The following CSTF3 variants were observed in gnomAD, a reference collection of about 807,000 sequenced individuals.
CSTF3 encodes CF-1 77 kDa subunit.
CSTF3 carries 29 observed loss-of-function variants against 105.8 expected under a neutral mutation model. That is an observed-to-expected ratio of 0.27 (90% CI 0.20 to 0.37). The LOEUF (loss-of-function observed/expected upper bound fraction) is 0.37. CSTF3 is among the 10% of genes least tolerant of loss of function. The pLI, the probability that CSTF3 is intolerant of heterozygous loss-of-function variation, is 1.00. For missense variants in CSTF3, 357 were observed against 879.3 expected (o/e 0.41, Z 7.51); for synonymous variants, 252 against 281.9 (o/e 0.89, Z 1.06).
chr11:33,094,194 CACA>C (rs1222738399), intron 15 of CSTF3, among the ~76,000 whole-genome samples: 1 of 152,158 alleles, frequency 6.6e-6, no homozygotes. Context: ...ATGGAATAAT[CACA>C]ACATTCTATA....
chr11:33,158,373 A>T (rs1173671114), intron 1 of CSTF3, among the ~76,000 whole-genome samples: 6 of 152,202 alleles, frequency 3.9e-5, no homozygotes, highest in Non-Finnish European at 7.3e-5. Context: ...ATGAATCCAT[A>T]GCGATACTTA....
intron 1 of CSTF3, among the ~76,000 whole-genome samples, chr11:33,147,599 G>A (rs769270166): frequency 7.3e-5 from 11 of 151,708 alleles, no homozygotes; most frequent in South Asian, 2.1e-4. Context: ...GAAATTTTAC[G>A]TAAACTAGAA....
intron 3 of CSTF3, among the ~76,000 whole-genome samples, chr11:33,109,442 A>T (rs1178293753): frequency 6.6e-6 from 1 of 152,092 alleles, no homozygotes; most frequent in Non-Finnish European, 1.5e-5. Context: ...GGACTTTTTT[A>T]TCTTGATCTT....
At chr11:33,129,079 T>C (rs1380895788) in intron 3 of CSTF3, among the ~76,000 whole-genome samples, 5 of 152,062 alleles carry the variant, frequency 3.3e-5, no homozygotes, top group Non-Finnish European at 5.9e-5. Flanking sequence ...CCTGAAAAAA[T>C]AACGTGGATG....
At chr11:33,107,828 G>T in intron 5 of CSTF3, 75 bp downstream of exon 5, 1 of 782,514 alleles carries the variant, frequency 1.3e-6, no homozygotes, top group Non-Finnish European at 2.1e-6. Context: ...GGGGCTAACA[G>T]AAGGTGTGAG....
At chr11:33,150,978 A>AT (rs2133806488) in intron 1 of CSTF3, among the ~76,000 whole-genome samples, 1 of 152,278 alleles carries the variant, frequency 6.6e-6, no homozygotes, top group South Asian at 2.1e-4. Flanking sequence ...TCTGAAGTGT[A>AT]TAACTCAATA....
intron 1 of CSTF3, among the ~76,000 whole-genome samples, chr11:33,143,134 T>C (rs552105111): frequency 1.3e-5 from 2 of 152,306 alleles, no homozygotes; most frequent in Admixed American, 6.5e-5. Context: ...CAATTCACAA[T>C]TGTATGTACA....
At chr11:33,111,641 A>G (rs1855380110) in intron 3 of CSTF3, among the ~76,000 whole-genome samples, 1 of 152,206 alleles carries the variant, frequency 6.6e-6, no homozygotes, top group Non-Finnish European at 1.5e-5. Flanking sequence ...TTTCAGTAAA[A>G]ATTATGTCTA....
intron 1 of CSTF3, among the ~76,000 whole-genome samples, chr11:33,142,957 T>C (rs749198678): frequency 6.6e-6 from 1 of 152,138 alleles, no homozygotes; most frequent in African/African-American, 2.4e-5. Flanking sequence ...TTAGATTTAT[T>C]ATGAGAGAGG....
chr11:33,137,021 T>C (rs1394150886), intron 3 of CSTF3, among the ~76,000 whole-genome samples: 1 of 151,852 alleles, frequency 6.6e-6, no homozygotes, highest in Admixed American at 6.6e-5. Context: ...TATGCATTTT[T>C]TATCATAAAC....
At chr11:33,134,061 A>G (rs1469353181) in intron 3 of CSTF3, among the ~76,000 whole-genome samples, 1 of 152,220 alleles carries the variant, frequency 6.6e-6, no homozygotes, top group East Asian at 1.9e-4. Context: ...AATATATTCA[A>G]TGCAATCTCC....
chr11:33,154,703 G>T (rs1590290874), intron 1 of CSTF3, among the ~76,000 whole-genome samples: 1 of 151,916 alleles, frequency 6.6e-6, no homozygotes, highest in Admixed American at 6.6e-5. Flanking sequence ...CACCATACTA[G>T]CCAGGCTGGT....
At chr11:33,160,083 C>CCTT (rs1849920181) in intron 1 of CSTF3, among the ~76,000 whole-genome samples, 1 of 151,648 alleles carries the variant, frequency 6.6e-6, no homozygotes, top group East Asian at 1.9e-4. Context: ...GTTCATTAGT[C>CCTT]CTTCACTTTC....
chr11:33,105,520 T>C, intron 8 of CSTF3, 47 bp downstream of exon 8: 3 of 1,533,820 alleles, frequency 2.0e-6, no homozygotes, highest in Non-Finnish European at 2.6e-6. Context: ...TGCATAGAAA[T>C]TAAAATGGCT....
At position 33,099,241 on chromosome 11, in the gene CSTF3, T is replaced by G; in HGVS notation, c.937-91A>C. The G allele has an allele frequency of 6.9e-7, 1 of 1,451,348 alleles. No individual in the cohort carries two copies. Among genetic ancestry groups the G allele is most frequent in the East Asian group, 2.5e-5 (1 of 40,784 alleles). The allele number at this position is 1,451,348 out of a possible 1,614,324, so 89.9% of individuals were successfully genotyped here. A position where few individuals can be genotyped will look rare whatever the true frequency, so the allele number is the denominator to read the frequency against. ...TAAAGTTACATCTACTTTATTTTATTTATGTGTCTAAGAAAGCATACATGT... is the reference window on the plus strand; with the variant it reads ...TAAAGTTACATCTACTTTATTTTATGTATGTGTCTAAGAAAGCATACATGT... On this transcript the variant is annotated intron_variant, in intron 11 of 20. Coordinates refer to ENST00000323959, the MANE Select transcript of CSTF3 (RefSeq NM_001326.3). The surrounding 1 kb of genome is among the most constrained non-coding windows in gnomAD (Gnocchi z 4.1).
intron 1 of CSTF3, among the ~76,000 whole-genome samples, chr11:33,142,293 C>T (rs1855722360): frequency 6.6e-6 from 1 of 151,674 alleles, no homozygotes. Flanking sequence ...AGTATAACAA[C>T]TATTTACATG....
chr11:33,160,100 C>T (rs1296701469), intron 1 of CSTF3, among the ~76,000 whole-genome samples: 1 of 151,508 alleles, frequency 6.6e-6, no homozygotes, highest in East Asian at 1.9e-4. Context: ...TTTCAGATAA[C>T]AAATACTAGA....
chr11:33,144,746 G>T, intron 1 of CSTF3: 1 of 153,226 alleles, frequency 6.5e-6, no homozygotes, highest in Non-Finnish European at 1.5e-5. Context: ...GGGAGGCCGA[G>T]ACGGGAGGAT....
chr11:33,092,679 G>A (rs1855181286), intron 15 of CSTF3, among the ~76,000 whole-genome samples: 1 of 152,078 alleles, frequency 6.6e-6, no homozygotes, highest in South Asian at 2.1e-4. Context: ...ATAATGACAA[G>A]TACATATCTG....
Sources: allele counts gnomAD v4.1 joint callset (sites outside exome capture counted in the v4.1 genomes callset), GRCh38; gene constraint gnomAD v4.1.1; non-coding constraint Gnocchi (gnomAD v3.1); transcripts MANE v1.5; gene names NCBI Gene and HGNC (gene_info 2026-07-23, HGNC 2026-07-21).